The following ASB15 variants were observed in gnomAD, a reference collection of about 807,000 sequenced individuals.
The protein encoded by ASB15 is ankyrin repeat and SOCS box protein 15.
A neutral mutation model predicts 58.0 loss-of-function variants in ASB15; 54 were observed. The observed-to-expected ratio is 0.93, with a 90% CI of 0.75 to 1.17. The LOEUF is 1.17. Among genes scored for constraint, ASB15 ranks in the 50% most tolerant of loss-of-function variants. The pLI is 0.00. For missense variants in ASB15, 680 were observed against 707.4 expected, an observed-to-expected ratio of 0.96 and a Z score of 0.44; for synonymous variants, 249 against 262.4, an observed-to-expected ratio of 0.95 and a Z score of 0.50.
intron 1 of ASB15, among the ~76,000 whole-genome samples, chr7:123,590,835 C>A (rs1379091569): frequency 2.0e-5 from 3 of 151,994 alleles, no homozygotes; most frequent in Non-Finnish European, 2.9e-5. Context: ...ATTCTGTGAA[C>A]AAAGGCAGTG....
upstream of ASB15, among the ~76,000 whole-genome samples, chr7:123,597,564 G>T (rs182244037): frequency 2.8e-4 from 42 of 152,280 alleles, no homozygotes; most frequent in African/African-American, 7.9e-4. Context: ...AGACGTGGTG[G>T]CTCACGCCTG....
rs113188668 is a variant in ASB15 at position 123,638,109 on chromosome 7, C to G, written c.*1128C>G. 6.6e-6 allele frequency: 1 copy of G among 152,092 alleles called. No individual in the cohort carries two copies. The highest frequency in any genetic ancestry group is 2.4e-5 in the African/African-American group (1 of 41,386). The allele number at this position is 152,092 out of a possible 1,614,324, so 9.4% of individuals were successfully genotyped here. On this transcript the variant is annotated 3_prime_UTR_variant, in exon 12 of 12. Transcript: ENST00000451215. ...CCCTAAGTCTATTATCTTCTTTTTC[C>G]TGGGATAATACAATGCTGCTTATCT...
At chr7:123,607,922 C>G (rs1015349676) in intron 2 of ASB15, among the ~76,000 whole-genome samples, 1 of 152,150 alleles carries the variant, frequency 6.6e-6, no homozygotes, top group African/African-American at 2.4e-5. Context: ...CTTTGCTATT[C>G]TGTAAGTTTA....
At chr7:123,578,931 G>A (rs998216505) in intron 1 of ASB15, among the ~76,000 whole-genome samples, 4 of 151,642 alleles carry the variant, frequency 2.6e-5, no homozygotes, top group African/African-American at 4.8e-5. Flanking sequence ...TTTTAGATTC[G>A]GGTGGTACAT....
chr7:123,627,155 T>C lies in ASB15; in HGVS notation c.743T>C (p.Phe248Ser). Residue 248 changes from phenylalanine (F) to serine (S), a missense_variant, in exon 9 of 12, where the codon TTT becomes TCT. By Grantham distance (155) the Phe-to-Ser change is radical. Coordinates refer to ENST00000451215, the MANE Select transcript of ASB15 (RefSeq NM_001290258.2). Reference protein sequence around the residue: ...ALADDGASVLFEAAGGGNPDC... With the variant: ...ALADDGASVLSEAAGGGNPDC... ...GCGGATGATGGGGCGTCGGTGCTGT[T>C]TGAGGCAGCAGGAGGTGGCAATCCC... 6.2e-7 allele frequency: 1 copy of C among 1,613,944 alleles called. No individual in the cohort carries two copies. Among genetic ancestry groups the C allele is most frequent in the South Asian group, 1.1e-5 (1 of 91,080 alleles).
At chr7:123,612,040 C>A (rs1800495777) in intron 3 of ASB15, among the ~76,000 whole-genome samples, 1 of 152,022 alleles carries the variant, frequency 6.6e-6, no homozygotes, top group Non-Finnish European at 1.5e-5. Flanking sequence ...TGTGCTCTCT[C>A]ATACACTGAA....
intron 1 of ASB15, among the ~76,000 whole-genome samples, chr7:123,602,484 GTTCTTAAA>G (rs1449984287): frequency 5.3e-5 from 8 of 152,148 alleles, no homozygotes; most frequent in African/African-American, 1.9e-4. Context: ...CACTCATATT[GTTCTTAAA>G]TGCACAGTTA....
intron 3 of ASB15, among the ~76,000 whole-genome samples, chr7:123,612,951 A>G (rs1012447665): frequency 1.3e-5 from 2 of 152,112 alleles, no homozygotes; most frequent in African/African-American, 4.8e-5. Context: ...TACCATTTAC[A>G]TCTATGTGGT....
Position 123,637,878 on chromosome 7 carries a change from T to TAAAAAAAAAAAAAAAAAAAAAAAAACAAA in ASB15, c.*919_*920insAAACAAAAAAAAAAAAAAAAAAAAAAAAA. The TAAAAAAAAAAAAAAAAAAAAAAAAACAAA allele has an allele frequency of 1.9e-5, 1 of 52,468 alleles. No homozygotes were observed. The highest frequency in any genetic ancestry group is 3.7e-5 in the Non-Finnish European group (1 of 26,694). The allele number at this position is 52,468 out of a possible 1,614,324, so 3.3% of individuals were successfully genotyped here. On this transcript the variant is annotated 3_prime_UTR_variant, in exon 12 of 12. Coordinates refer to ENST00000451215, the MANE Select transcript of ASB15 (RefSeq NM_001290258.2). ...AAATTCAACATGTCCCCAGATGAACTAAAAAAAAAAAAAAAAAAAAAACCT... is the reference window on the plus strand; with the variant it reads ...AAATTCAACATGTCCCCAGATGAACTAAAAAAAAAAAAAAAAAAAAAAAAACAAAAAAAAAAAAAAAAAAAAAAAAACCT...
chr7:123,585,635 TTGTGTG>T (rs35317220), intron 1 of ASB15, among the ~76,000 whole-genome samples: 19 of 147,418 alleles, frequency 1.3e-4, no homozygotes, highest in African/African-American at 2.2e-4. Context: ...TAGTTACTAT[TTGTGTG>T]TGTGTGTGTG....
Position 123,636,873 on chromosome 7 carries a change from ACT to A in ASB15, c.1662_1663del (p.Cys555ProfsTer21). 6.2e-7 allele frequency: 1 copy of A among 1,608,586 alleles called. No individual in the cohort carries two copies. Among genetic ancestry groups the A allele is most frequent in the Non-Finnish European group, 8.5e-7 (1 of 1,175,794 alleles). On this transcript the variant is annotated frameshift_variant, in exon 12 of 12. Transcript: ENST00000451215. LOFTEE classifies it high-confidence loss of function. ...KIRRLMGLQK[L>X]CQPASVEKLP... ...TTCGAAGGCTTATGGGTCTCCAGAA[ACT>A]CTGCCAGCCAGCCTCAGTGGAGAAG...
intron 1 of ASB15, among the ~76,000 whole-genome samples, chr7:123,593,901 C>G (rs1799619850): frequency 6.6e-6 from 1 of 152,196 alleles, no homozygotes; most frequent in Non-Finnish European, 1.5e-5. Context: ...TTCTCCCCGT[C>G]ACTTTCAGGT....
At chr7:123,579,286 T>C (rs892030044) in intron 1 of ASB15, among the ~76,000 whole-genome samples, 1 of 152,014 alleles carries the variant, frequency 6.6e-6, no homozygotes, top group Non-Finnish European at 1.5e-5. Context: ...ACATTTTCTT[T>C]ATAAGTGTAA....
rs539915075 is a variant in ASB15 at position 123,607,671 on chromosome 7, G to A, written c.-63-923G>A. Among the ~76,000 whole-genome samples the A allele has an allele frequency of 1.5e-3, 223 of 152,208 alleles. 1 individual carries two copies. Among genetic ancestry groups the A allele is most frequent in the Admixed American group, 3.3e-3 (50 of 15,276 alleles). ...CCAATTAGTTTTTGTATTTGTTGTA[G>A]AGATGAGGTTTCACCATGTTGCCCA... is the stretch of plus-strand genomic sequence containing the variant. On this transcript the variant is annotated intron_variant, in intron 2 of 11. Transcript: ENST00000451215.
intron 1 of ASB15, among the ~76,000 whole-genome samples, chr7:123,594,165 A>G (rs982063988): frequency 2.0e-5 from 3 of 151,934 alleles, no homozygotes; most frequent in Admixed American, 1.3e-4. Flanking sequence ...TGCTTATTCT[A>G]GTTTGCCATT....
rs1388813787 is a variant in ASB15 at position 123,638,049 on chromosome 7, A to C, written c.*1068A>C. 6.6e-6 allele frequency: 1 copy of C among 152,040 alleles called. No individual in the cohort carries two copies. Among genetic ancestry groups the C allele is most frequent in the African/African-American group, 2.4e-5 (1 of 41,352 alleles). The allele number at this position is 152,040 out of a possible 1,614,324, so 9.4% of individuals were successfully genotyped here. On this transcript the variant is annotated 3_prime_UTR_variant, in exon 12 of 12. Transcript: ENST00000451215. ...AGTTTATCTCCTGAAGTCATCTTCC[A>C]CTCAGCAGCCCCCCACCACCCACCC... is the stretch of plus-strand genomic sequence containing the variant.
intron 1 of ASB15, among the ~76,000 whole-genome samples, chr7:123,585,349 T>C (rs1403550368): frequency 1.3e-5 from 2 of 151,616 alleles, no homozygotes; most frequent in African/African-American, 4.8e-5. Context: ...CCTCCCCCTA[T>C]TCCCTAAACC....
chr7:123,572,968 T>C (rs1798955334), intron 1 of ASB15, among the ~76,000 whole-genome samples: 1 of 152,144 alleles, frequency 6.6e-6, no homozygotes, highest in Non-Finnish European at 1.5e-5. Flanking sequence ...ACTTTTCATT[T>C]TCTAATGGTG....
rs754469933 is a variant in ASB15 at position 123,604,043 on chromosome 7, A to AGACAGTGCAGGAG, written c.-231_-219dup. 6 of 152,228 alleles carry AGACAGTGCAGGAG rather than the reference A, an allele frequency of 3.9e-5. No individual in the cohort carries two copies. The highest frequency in any genetic ancestry group is 8.8e-5 in the Non-Finnish European group (6 of 68,094). The allele number at this position is 152,228 out of a possible 1,614,324, so 9.4% of individuals were successfully genotyped here. A position where few individuals can be genotyped will look rare whatever the true frequency, so the allele number is the denominator to read the frequency against. On this transcript the variant is annotated 5_prime_UTR_variant, in exon 2 of 12. It removes the in-frame stop codon of an upstream open reading frame in the 5' UTR. Transcript: ENST00000451215. Reference sequence around the variant, plus strand: ...AAATGTGTTTCCAGGAAAGCAGTCAAGACAGTGCAGGAGGTGAGGCCATCT... The same window carrying AGACAGTGCAGGAG: ...AAATGTGTTTCCAGGAAAGCAGTCAAGACAGTGCAGGAGGACAGTGCAGGAGGTGAGGCCATCT...
Sources: allele counts gnomAD v4.1 joint callset (sites outside exome capture counted in the v4.1 genomes callset), GRCh38; gene constraint gnomAD v4.1.1; transcripts MANE v1.5; gene names NCBI Gene and HGNC (gene_info 2026-07-23, HGNC 2026-07-21).